The following RBFOX1 variants were observed in gnomAD, a reference collection of about 807,000 sequenced individuals.
RBFOX1 encodes RNA binding protein fox-1 homolog 1.
Under a neutral mutation model 57.7 loss-of-function variants are expected in RBFOX1, and 8 were observed. The observed-to-expected ratio is 0.14, with a 90% CI of 0.08 to 0.25. The LOEUF (loss-of-function observed/expected upper bound fraction) is 0.25, where lower values mean the gene tolerates loss of function less well. Ranked by LOEUF, RBFOX1 falls within the 10% of genes least tolerant of loss-of-function variation. The probability of loss-of-function intolerance (pLI) is 1.00; values close to 1 mark genes in which losing one functional copy is unlikely to be tolerated. For synonymous variants in RBFOX1, 326 were observed against 222.4 expected (o/e 1.47, Z -4.15); for missense variants, 611 against 548.5 (o/e 1.11, Z -1.14).
chr16:7,022,524 G>C (rs1417861361), intron 3 of RBFOX1, among the ~76,000 whole-genome samples: 1 of 152,044 alleles, frequency 6.6e-6, no homozygotes, highest in Admixed American at 6.5e-5. Context: ...TTCCCTGTGA[G>C]GTCAGGAACT....
intron 1 of RBFOX1, among the ~76,000 whole-genome samples, chr16:6,028,112 T>C (rs2095231464): frequency 6.6e-6 from 1 of 152,222 alleles, no homozygotes. Flanking sequence ...TCTGGGTCAC[T>C]GCCTGTGTTC....
chr16:5,684,314 G>T (rs1011752625), intron 3 of RBFOX1, among the ~76,000 whole-genome samples: 5 of 152,112 alleles, frequency 3.3e-5, no homozygotes, highest in African/African-American at 4.8e-5. Flanking sequence ...TATCCTATGA[G>T]TTCTGTCCCT....
chr16:6,162,802 C>T (rs1182747467), intron 1 of RBFOX1, among the ~76,000 whole-genome samples: 1 of 152,098 alleles, frequency 6.6e-6, no homozygotes, highest in Non-Finnish European at 1.5e-5. Flanking sequence ...GACATGATCT[C>T]GGCTCACTGC....
chr16:6,699,496 C>G (rs900229630), intron 3 of RBFOX1, among the ~76,000 whole-genome samples: 1 of 152,174 alleles, frequency 6.6e-6, no homozygotes, highest in Non-Finnish European at 1.5e-5. Context: ...AATTTCAGCA[C>G]ATTATATAAT....
chr16:5,452,641 A>C (rs182285329), intron 1 of RBFOX1, among the ~76,000 whole-genome samples: 2 of 148,372 alleles, frequency 1.3e-5, no homozygotes, highest in Admixed American at 1.3e-4. Flanking sequence ...GTAAACCATA[A>C]ACCTTGACTT....
chr16:7,017,733 C>A (rs530747664), intron 3 of RBFOX1, among the ~76,000 whole-genome samples: 1 of 152,202 alleles, frequency 6.6e-6, no homozygotes, highest in Admixed American at 6.5e-5. Context: ...TTTTCACAAC[C>A]CTGTGACAGG....
At chr16:6,243,787 G>C (rs1010493729) in intron 1 of RBFOX1, among the ~76,000 whole-genome samples, 1 of 152,144 alleles carries the variant, frequency 6.6e-6, no homozygotes, top group Non-Finnish European at 1.5e-5. Context: ...GAGTTGTGAT[G>C]GTGGGAACTT....
At chr16:6,183,296 A>G (rs563516765) in intron 1 of RBFOX1, among the ~76,000 whole-genome samples, 1 of 151,658 alleles carries the variant, frequency 6.6e-6, no homozygotes, top group East Asian at 1.9e-4. Context: ...CTGGGTAACA[A>G]GGTGAAACCC....
Position 6,466,177 on chromosome 16 carries a change from C to T in RBFOX1, c.-64+149120C>T, listed in dbSNP as rs558157766. Among the ~76,000 whole-genome samples, 10 of 150,442 alleles carry T rather than the reference C, an allele frequency of 6.6e-5. 1 individual carries two copies. In the South Asian group the frequency reaches 2.1e-3, roughly 31 times the overall value. ...CCGGGAGGCAGAGGTTGCAAGTGAG[C>T]TGAGGTTGCACCACTGCACTCCAGC... is the stretch of plus-strand genomic sequence containing the variant. On this transcript the variant is annotated intron_variant, in intron 2 of 15. Coordinates refer to ENST00000550418, the MANE Select transcript of RBFOX1 (RefSeq NM_018723.4).
chr16:5,886,718 T>C (rs2057908063), intron 4 of RBFOX1, among the ~76,000 whole-genome samples: 1 of 152,176 alleles, frequency 6.6e-6, no homozygotes, highest in Admixed American at 6.5e-5. Context: ...GGAAACCCTG[T>C]CTCTACTTAA....
rs1227593494 is a variant in RBFOX1 at position 7,279,042 on chromosome 16, A to C, written c.27+226944A>C. Reference sequence around the variant, plus strand: ...AAAAACTGATGACGGATGGATAAAAAGTCCTATTTTATCTAATTCTAAAAG... The same window carrying C: ...AAAAACTGATGACGGATGGATAAAACGTCCTATTTTATCTAATTCTAAAAG... On this transcript the variant is annotated intron_variant, in intron 4 of 15. Transcript: ENST00000550418. Among the ~76,000 whole-genome samples, 3 of 151,988 alleles carry C rather than the reference A, an allele frequency of 2.0e-5. No individual in the cohort carries two copies. The East Asian group carries it at 5.8e-4, about 29-fold the overall frequency.
At chr16:7,081,512 C>T (rs989321065) in intron 4 of RBFOX1, among the ~76,000 whole-genome samples, 3 of 152,182 alleles carry the variant, frequency 2.0e-5, no homozygotes, top group Non-Finnish European at 4.4e-5. Context: ...AAAATAGAAG[C>T]ACTCATTTCT....
chr16:6,591,273 C>T (rs1361661074), intron 2 of RBFOX1, among the ~76,000 whole-genome samples: 1 of 152,112 alleles, frequency 6.6e-6, no homozygotes, highest in South Asian at 2.1e-4. Context: ...TGATGAAACA[C>T]CACCTCTACT....
At chr16:5,987,292 G>A (rs2060302790) in intron 4 of RBFOX1, among the ~76,000 whole-genome samples, 2 of 151,942 alleles carry the variant, frequency 1.3e-5, no homozygotes, top group South Asian at 2.1e-4. Flanking sequence ...ATTCGTTATT[G>A]TGGGGTATGT....
At chr16:7,347,006 A>T (rs1472266942) in intron 4 of RBFOX1, among the ~76,000 whole-genome samples, 1 of 152,228 alleles carries the variant, frequency 6.6e-6, no homozygotes, top group Non-Finnish European at 1.5e-5. Context: ...GAAAGAAAAA[A>T]GTCAAGCCAA....
chr16:7,471,910 A>T (rs971519157), intron 4 of RBFOX1, among the ~76,000 whole-genome samples: 1 of 152,174 alleles, frequency 6.6e-6, no homozygotes, highest in African/African-American at 2.4e-5. Flanking sequence ...TCCTGCTTCC[A>T]TGGGTCAAAT....
chr16:7,309,993 C>A (rs996582276), intron 4 of RBFOX1, among the ~76,000 whole-genome samples: 1 of 152,206 alleles, frequency 6.6e-6, no homozygotes, highest in East Asian at 1.9e-4. Flanking sequence ...CCGGGTGCTG[C>A]CCAAGAGAAC....
At chr16:6,797,434 C>A (rs151201775) in intron 3 of RBFOX1, among the ~76,000 whole-genome samples, 6 of 152,168 alleles carry the variant, frequency 3.9e-5, no homozygotes, top group African/African-American at 1.2e-4. Context: ...TGCTTTGTTG[C>A]GCAATAACAT....
intron 3 of RBFOX1, among the ~76,000 whole-genome samples, chr16:6,664,165 T>C (rs934615187): frequency 6.6e-6 from 1 of 152,212 alleles, no homozygotes; most frequent in Non-Finnish European, 1.5e-5. Flanking sequence ...TCCAGCCATC[T>C]CTAGCCAAGG....
Sources: gnomAD v4.1 joint callset for allele counts (sites outside exome capture counted in the v4.1 genomes callset) on GRCh38, gnomAD v4.1.1 for gene constraint, MANE v1.5 for transcripts, NCBI Gene and HGNC (gene_info 2026-07-23, HGNC 2026-07-21) for gene names.